Variants in AMZ1 observed in about 807,000 individuals in gnomAD.
AMZ1 encodes the protein archaelysin family metallopeptidase 1.
A neutral mutation model predicts 29.9 loss-of-function variants in AMZ1; 39 were observed. That is an observed-to-expected ratio of 1.30 (90% CI 1.01 to 1.70). The LOEUF (loss-of-function observed/expected upper bound fraction) is 1.70, where lower values mean the gene tolerates loss of function less well. Ranked by LOEUF, AMZ1 falls within the 40% of genes most tolerant of loss-of-function variation. The pLI, the probability that AMZ1 is intolerant of heterozygous loss-of-function variation, is 0.00. For missense variants in AMZ1, 1,041 were observed against 680.6 expected, an observed-to-expected ratio of 1.53 and a Z score of -5.89; for synonymous variants, 458 against 304.0, an observed-to-expected ratio of 1.51 and a Z score of -5.27.
intron 4 of AMZ1, 23 bp from the exon 5 acceptor site, chr7:2,709,052 C>G (rs1308996484): frequency 6.5e-7 from 1 of 1,546,756 alleles, no homozygotes; most frequent in Non-Finnish European, 8.7e-7. Flanking sequence ...CCTGAGAGTG[C>G]CCTTCTCTCC....
chr7:2,758,459 C>T (rs910207164), intron 4 of AMZ1, among the ~76,000 whole-genome samples: 6 of 152,138 alleles, frequency 3.9e-5, no homozygotes, highest in African/African-American at 1.2e-4. Flanking sequence ...CTAAGACGAG[C>T]CTCAATGACA....
At position 2,691,013 on chromosome 7, in the gene AMZ1, C is replaced by T. The variant is rs557464655; in HGVS notation, c.-219+2717C>T. Among the ~76,000 whole-genome samples the T allele has an allele frequency of 6.0e-5, 9 of 150,360 alleles. No homozygotes were observed. The South Asian group carries it at 8.4e-4, about 14-fold the overall frequency. On this transcript the variant is annotated intron_variant, in intron 1 of 6. Transcript: ENST00000683327. ...AAAATTAGCCTGGCATGGTGGCATGCGTCTGTAGTCCCAGCTACTAGGGAG... is the reference window on the plus strand; with the variant it reads ...AAAATTAGCCTGGCATGGTGGCATGTGTCTGTAGTCCCAGCTACTAGGGAG...
upstream of AMZ1, chr7:2,762,606 T>A (rs1420442579): frequency 6.5e-7 from 1 of 1,527,568 alleles, no homozygotes; most frequent in Non-Finnish European, 8.8e-7. Flanking sequence ...AAAAGGACAA[T>A]CCCCTTCCGG....
intron 1 of AMZ1, among the ~76,000 whole-genome samples, chr7:2,681,049 T>A (rs1469153088): frequency 6.6e-6 from 1 of 152,234 alleles, no homozygotes; most frequent in Non-Finnish European, 1.5e-5. Context: ...TTTGCTTCCC[T>A]GCCCACGGAT....
intron 4 of AMZ1, among the ~76,000 whole-genome samples, chr7:2,743,569 G>A (rs1419679598): frequency 2.0e-5 from 3 of 152,182 alleles, no homozygotes; most frequent in Non-Finnish European, 4.4e-5. Context: ...ATCCAAGATG[G>A]CCGAATAGGA....
At chr7:2,753,465 T>A (rs1033262099) in intron 4 of AMZ1, among the ~76,000 whole-genome samples, 7 of 152,216 alleles carry the variant, frequency 4.6e-5, no homozygotes, top group African/African-American at 1.7e-4. Context: ...GTTGGCTTTT[T>A]TCACTCAACA....
In AMZ1 at chr7:2,702,908, C is replaced by G; in HGVS notation, c.472+19C>G. 1.3e-6 allele frequency: 2 copies of G among 1,572,880 alleles called. No individual in the cohort carries two copies. The highest frequency in any genetic ancestry group is 1.8e-5 in the Admixed American group (1 of 56,668). ...CACACAGGTGAGTGAGGACGGCAGC[C>G]GCCGCTCAGGCCAAGGCAGGCCCCT... On this transcript the variant is annotated intron_variant, in intron 3 of 6. Transcript: ENST00000683327.
Position 2,731,706 on chromosome 7 carries a change from G to A in AMZ1, n.550+21890G>A, listed in dbSNP as rs918756975. ...AGTCATGCTCCACAATTCCCTTGGTGGCTTTCCTAGCCAGCAGGATATCTT... is the reference window on the plus strand; with the variant it reads ...AGTCATGCTCCACAATTCCCTTGGTAGCTTTCCTAGCCAGCAGGATATCTT... On this transcript the variant is annotated intron_variant and non_coding_transcript_variant, in intron 4 of 4. Coordinates refer to the AMZ1 transcript ENST00000489665. The surrounding 1 kb of genome is among the most constrained non-coding windows in gnomAD (Gnocchi z 6.0). 1.3e-6 allele frequency: 2 copies of A among 1,584,656 alleles called. No individual in the cohort carries two copies. Among genetic ancestry groups the A allele is most frequent in the East Asian group, 2.2e-5 (1 of 44,486 alleles).
intron 4 of AMZ1, among the ~76,000 whole-genome samples, chr7:2,754,955 T>A (rs563785518): frequency 9.2e-5 from 14 of 152,344 alleles, no homozygotes; most frequent in African/African-American, 2.9e-4. Flanking sequence ...CAGTTTGAAT[T>A]AATTTTGTAT....
At chr7:2,682,398 C>A (rs1345693639) in intron 1 of AMZ1, among the ~76,000 whole-genome samples, 1 of 152,198 alleles carries the variant, frequency 6.6e-6, no homozygotes, top group East Asian at 1.9e-4. Context: ...GCCCAGGAGG[C>A]CTCAGGCCGA....
chr7:2,693,947 C>A (rs1340507487), intron 1 of AMZ1, among the ~76,000 whole-genome samples: 1 of 152,200 alleles, frequency 6.6e-6, no homozygotes, highest in East Asian at 1.9e-4. Flanking sequence ...CCTGCTGGAG[C>A]ACCTAACTCC....
rs1788728184 is a variant in AMZ1 at position 2,710,846 on chromosome 7, C to T, written c.948+1030C>T. ...TACAGGTGGCGTGATGGCTGGTCAG[C>T]ACCTGGTGATGCCTTGTAAAGGTTG... On this transcript the variant is annotated intron_variant, in intron 6 of 6. Transcript: ENST00000683327. Among the ~76,000 whole-genome samples the T allele has an allele frequency of 4.6e-5, 7 of 152,330 alleles. No homozygotes were observed. In the South Asian group the frequency reaches 1.2e-3, roughly 27 times the overall value.
At chr7:2,698,266 G>A (rs1787854883) in intron 1 of AMZ1, among the ~76,000 whole-genome samples, 1 of 152,140 alleles carries the variant, frequency 6.6e-6, no homozygotes, top group Non-Finnish European at 1.5e-5. Context: ...AAACAGGCGT[G>A]GTGGCTCATG....
chr7:2,732,000 G>C lies in AMZ1; in HGVS notation n.550+22184G>C, dbSNP rs1487122171. On this transcript the variant is annotated intron_variant and non_coding_transcript_variant, in intron 4 of 4. Coordinates refer to the AMZ1 transcript ENST00000489665. This position sits in a 1 kb window ranked among gnomAD's most constrained non-coding sequence, Gnocchi z 6.0. ...CGAATGCTCAGAACACTCGTGGGCA[G>C]GCCCAGCGCAAAACCACATCCATTT... Among the ~76,000 whole-genome samples, 1 of 152,180 alleles carries C rather than the reference G, an allele frequency of 6.6e-6. No individual in the cohort carries two copies. The highest frequency in any genetic ancestry group is 1.5e-5 in the Non-Finnish European group (1 of 68,032).
chr7:2,736,908 G>T (rs78202748), intron 4 of AMZ1, among the ~76,000 whole-genome samples: 2,506 of 152,324 alleles, frequency 0.016, 72 homozygotes, highest in African/African-American at 0.057. Flanking sequence ...AAGAGCTTCA[G>T]ATCATTCAAC....
chr7:2,712,507 AC>A lies in AMZ1; in HGVS notation c.1128del (p.Phe377SerfsTer9). 1 of 1,608,700 alleles carries A rather than the reference AC, an allele frequency of 6.2e-7. No individual in the cohort carries two copies. The highest frequency in any genetic ancestry group is 8.5e-7 in the Non-Finnish European group (1 of 1,178,004). On this transcript the variant is annotated frameshift_variant, in exon 7 of 7. Coordinates refer to ENST00000683327, the MANE Select transcript of AMZ1 (RefSeq NM_001384743.1). LOFTEE classifies it low-confidence loss of function (END_TRUNC). ...EPLTPDAGSHTFASGPEEGLS... is the reference protein window; with the variant it reads ...EPLTPDAGSHXFASGPEEGLS... ...CCTCACCCCTGATGCCGGGAGTCAC[AC>A]CTTCGCCTCGGGGCCAGAGGAAGGG...
chr7:2,691,746 A>T (rs1051462187), intron 1 of AMZ1, among the ~76,000 whole-genome samples: 6 of 151,342 alleles, frequency 4.0e-5, no homozygotes, highest in Non-Finnish European at 7.4e-5. Context: ...AAAAAAAAAA[A>T]AATAAGTGAT....
At chr7:2,680,544 G>A (rs909864027) in intron 1 of AMZ1, among the ~76,000 whole-genome samples, 3 of 152,186 alleles carry the variant, frequency 2.0e-5, no homozygotes, top group Non-Finnish European at 4.4e-5. Context: ...CTGTGGCTGG[G>A]GTTGCTGGAG....
intron 4 of AMZ1, chr7:2,730,160 A>G (rs1789815496): frequency 6.6e-6 from 1 of 152,390 alleles, no homozygotes; most frequent in South Asian, 2.1e-4. Flanking sequence ...TGGGGCATTA[A>G]CAAAAGCTCT....
Sources: allele counts gnomAD v4.1 joint callset (sites outside exome capture counted in the v4.1 genomes callset), GRCh38; gene constraint gnomAD v4.1.1; non-coding constraint Gnocchi (gnomAD v3.1); transcripts MANE v1.5; gene names NCBI Gene and HGNC (gene_info 2026-07-23, HGNC 2026-07-21).